Variants in UTRN observed in about 807,000 individuals in gnomAD.
UTRN encodes the protein utrophin, also known as dystrophin-related protein 1.
In UTRN, 283 loss-of-function variants were observed where a neutral mutation model predicts 463.9. The observed-to-expected ratio is 0.61, with a 90% CI of 0.55 to 0.67. The LOEUF (loss-of-function observed/expected upper bound fraction) is 0.67. UTRN is among the 30% of genes least tolerant of loss of function. The pLI, the probability that UTRN is intolerant of heterozygous loss-of-function variation, is 0.00. For missense variants in UTRN, 3,922 were observed against 4,084.3 expected, an observed-to-expected ratio of 0.96 and a Z score of 1.08; for synonymous variants, 1,442 against 1,431.5, an observed-to-expected ratio of 1.01 and a Z score of -0.17.
intron 39 of UTRN, 36 bp downstream of exon 39, chr6:144,516,984 A>T (rs1331876118): frequency 7.2e-6 from 10 of 1,392,986 alleles, no homozygotes; most frequent in African/African-American, 1.5e-5. Context: ...GCATTTAAAT[A>T]CCTTACTTAA....
intron 51 of UTRN, among the ~76,000 whole-genome samples, chr6:144,620,281 A>T (rs935956367): frequency 6.6e-6 from 1 of 152,112 alleles, no homozygotes; most frequent in African/African-American, 2.4e-5. Flanking sequence ...ATTGGCTACT[A>T]TGTTTTTGCT....
At chr6:144,429,802 G>A (rs1323386254) in intron 9 of UTRN, 61 bp downstream of exon 9, 3 of 1,550,276 alleles carry the variant, frequency 1.9e-6, no homozygotes, top group South Asian at 1.2e-5. Flanking sequence ...CTAGGTACTA[G>A]ATAAAAACAC....
intron 61 of UTRN, among the ~76,000 whole-genome samples, chr6:144,785,351 A>T (rs1776209651): frequency 6.6e-6 from 1 of 152,200 alleles, no homozygotes; most frequent in African/African-American, 2.4e-5. Flanking sequence ...CAGAATTCTC[A>T]AAGTAGAAGG....
intron 41 of UTRN, among the ~76,000 whole-genome samples, chr6:144,523,577 C>T (rs1442018843): frequency 6.6e-6 from 1 of 152,208 alleles, no homozygotes; most frequent in South Asian, 2.1e-4. Flanking sequence ...TCCCAAAATG[C>T]TGGGATTACA....
At chr6:144,500,939 T>C (rs1219779366) in intron 34 of UTRN, among the ~76,000 whole-genome samples, 1 of 152,216 alleles carries the variant, frequency 6.6e-6, no homozygotes, top group Non-Finnish European at 1.5e-5. Flanking sequence ...ATACTGTGAC[T>C]GATGTTTATA....
intron 60 of UTRN, among the ~76,000 whole-genome samples, chr6:144,780,007 G>T (rs763406832): frequency 6.6e-6 from 1 of 151,594 alleles, no homozygotes; most frequent in Non-Finnish European, 1.5e-5. Flanking sequence ...CTCTGTATGG[G>T]TTTAAAGCAG....
chr6:144,713,447 A>C (rs1277379080), intron 53 of UTRN, among the ~76,000 whole-genome samples: 1 of 150,100 alleles, frequency 6.7e-6, no homozygotes, highest in Non-Finnish European at 1.5e-5. Context: ...CTCTACTAAA[A>C]AAAAAAAATC....
chr6:144,655,928 C>A lies in UTRN; in HGVS notation c.7480-22478C>A, dbSNP rs77243119. 2.7e-3 allele frequency among the ~76,000 whole-genome samples: 410 copies of A among 152,198 alleles called. 14 individuals carry two copies. The East Asian group carries it at 0.056, about 21-fold the overall frequency. Reference sequence around the variant, plus strand: ...TTGAAAGTTGTTGGCAAAGCCATACCTATAGCTCTCTTCATTTTGGCATTG... The same window carrying A: ...TTGAAAGTTGTTGGCAAAGCCATACATATAGCTCTCTTCATTTTGGCATTG... On this transcript the variant is annotated intron_variant, in intron 51 of 74. Coordinates refer to ENST00000367545, the MANE Select transcript of UTRN (RefSeq NM_007124.3).
At chr6:144,679,069 A>G (rs927316490) in intron 52 of UTRN, among the ~76,000 whole-genome samples, 6 of 152,106 alleles carry the variant, frequency 3.9e-5, no homozygotes, top group African/African-American at 1.4e-4. Context: ...GGCAGTGAAC[A>G]TGTTTTGCTT....
chr6:144,398,572 A>G, intron 2 of UTRN: 1 of 235,356 alleles, frequency 4.2e-6, no homozygotes. Context: ...GTTATTATGA[A>G]GAAGCACCCA....
At chr6:144,395,553 T>C (rs1782332924) in intron 2 of UTRN, among the ~76,000 whole-genome samples, 2 of 152,146 alleles carry the variant, frequency 1.3e-5, no homozygotes, top group Non-Finnish European at 1.5e-5. Context: ...TTCCTATGCA[T>C]TGTTTAAAAA....
intron 51 of UTRN, among the ~76,000 whole-genome samples, chr6:144,608,399 T>G (rs1268323108): frequency 6.6e-6 from 1 of 152,208 alleles, no homozygotes; most frequent in Non-Finnish European, 1.5e-5. Context: ...ATAGAAGTTA[T>G]CGGGCCTCAT....
intron 54 of UTRN, among the ~76,000 whole-genome samples, chr6:144,746,093 C>T (rs1790713777): frequency 1.3e-5 from 2 of 151,274 alleles, no homozygotes; most frequent in South Asian, 2.1e-4. Context: ...CTCTGCCTCC[C>T]GGGGTCAAGC....
At chr6:144,561,254 TATATATACATAC>T (rs1799871076) in intron 50 of UTRN, among the ~76,000 whole-genome samples, 1 of 54,764 alleles carries the variant, frequency 1.8e-5, no homozygotes. Flanking sequence ...TATATATATA[TATATATACATAC>T]ACACACACAC....
chr6:144,445,565 C>G (rs766171171), intron 14 of UTRN, among the ~76,000 whole-genome samples: 9 of 149,364 alleles, frequency 6.0e-5, no homozygotes, highest in East Asian at 4.1e-4. Context: ...TACTTCCCCC[C>G]CCGCCCTCAA....
intron 58 of UTRN, among the ~76,000 whole-genome samples, chr6:144,765,868 T>C (rs947757008): frequency 2.0e-5 from 3 of 151,778 alleles, no homozygotes; most frequent in African/African-American, 7.3e-5. Context: ...ATATATCTTA[T>C]TTGAATTTTG....
At chr6:144,387,289 C>G (rs572425997) in intron 2 of UTRN, among the ~76,000 whole-genome samples, 2 of 152,086 alleles carry the variant, frequency 1.3e-5, no homozygotes, top group African/African-American at 2.4e-5. Flanking sequence ...ATTACAGGTA[C>G]GTGCCACCAT....
At chr6:144,621,139 G>C (rs1775325083) in intron 51 of UTRN, among the ~76,000 whole-genome samples, 2 of 152,120 alleles carry the variant, frequency 1.3e-5, no homozygotes, top group Admixed American at 1.3e-4. Flanking sequence ...TAGGGTTGTT[G>C]TCAAGATTAA....
chr6:144,846,415 T>C (rs899539307), intron 73 of UTRN, among the ~76,000 whole-genome samples: 13 of 152,252 alleles, frequency 8.5e-5, no homozygotes, highest in Non-Finnish European at 4.4e-5. Context: ...CAAAGACTTA[T>C]GCCTTCAGTG....
Sources: allele counts gnomAD v4.1 joint callset (sites outside exome capture counted in the v4.1 genomes callset), GRCh38; gene constraint gnomAD v4.1.1; transcripts MANE v1.5; gene names NCBI Gene and HGNC (gene_info 2026-07-23, HGNC 2026-07-21).